The following GABBR2 variants were observed in gnomAD, a reference collection of about 807,000 sequenced individuals.
GABBR2 encodes the protein gamma-aminobutyric acid type B receptor subunit 2, also known as G-protein coupled receptor 51.
A neutral mutation model predicts 105.6 loss-of-function variants in GABBR2; 23 were observed. The observed-to-expected ratio is 0.22, with a 90% confidence interval of 0.16 to 0.31. GABBR2 has a LOEUF of 0.31. GABBR2 is among the 10% of genes least tolerant of loss of function. GABBR2 has a pLI of 1.00. For missense variants in GABBR2, 734 were observed against 1,245.5 expected, an observed-to-expected ratio of 0.59 and a Z score of 6.18; for synonymous variants, 478 against 499.7, an observed-to-expected ratio of 0.96 and a Z score of 0.58.
At chr9:98,705,592 G>A (rs904587061) in intron 1 of GABBR2, among the ~76,000 whole-genome samples, 3 of 152,144 alleles carry the variant, frequency 2.0e-5, no homozygotes, top group African/African-American at 7.2e-5. Flanking sequence ...AAATAATTAG[G>A]CAGTGTCCAC....
chr9:98,352,751 G>A (rs1831421639), intron 13 of GABBR2, among the ~76,000 whole-genome samples: 1 of 152,058 alleles, frequency 6.6e-6, no homozygotes, highest in African/African-American at 2.4e-5. Flanking sequence ...TTTGTCCTGG[G>A]GGTAGCCTTC....
chr9:98,305,809 A>G (rs752874561), intron 15 of GABBR2, among the ~76,000 whole-genome samples: 9 of 122,076 alleles, frequency 7.4e-5, no homozygotes, highest in South Asian at 2.2e-4. Context: ...AGAGTGAGGG[A>G]AAAAAAAAAA....
rs905812432 is a variant in GABBR2 at position 98,394,316 on chromosome 9, C to T, written c.1298-61G>A. 27 of 1,193,920 alleles carry T rather than the reference C, an allele frequency of 2.3e-5. No homozygotes were observed. In the African/African-American group the frequency reaches 3.9e-4, roughly 17 times the overall value. 74.0% of individuals were successfully genotyped at this position (1,193,920 alleles called of 1,614,324 possible). A position where few individuals can be genotyped will look rare whatever the true frequency, so the allele number is the denominator to read the frequency against. Reference sequence around the variant, plus strand: ...GGATCTGGGTTTGTGTCTGGGTGCTCCTATTCCAGGCTCTTGCTCCCCTCA... The same window carrying T: ...GGATCTGGGTTTGTGTCTGGGTGCTTCTATTCCAGGCTCTTGCTCCCCTCA... On this transcript the variant is annotated intron_variant, in intron 8 of 18. Transcript: ENST00000259455.
At chr9:98,533,147 T>TC (rs1279345084) in intron 3 of GABBR2, among the ~76,000 whole-genome samples, 2 of 152,054 alleles carry the variant, frequency 1.3e-5, no homozygotes, top group African/African-American at 4.8e-5. Flanking sequence ...TTTGCAACGA[T>TC]CCCCCCTTGC....
intron 1 of GABBR2, among the ~76,000 whole-genome samples, chr9:98,638,378 A>G (rs1044229639): frequency 2.0e-5 from 3 of 152,186 alleles, no homozygotes; most frequent in African/African-American, 7.2e-5. Context: ...AGATCCAAAG[A>G]GAATAACTAC....
At chr9:98,362,948 G>T in intron 12 of GABBR2, 111 bp from the exon 13 acceptor site, 1 of 920,812 alleles carries the variant, frequency 1.1e-6, no homozygotes, top group Non-Finnish European at 1.5e-6. Context: ...CCCAGCCGGA[G>T]AGTCTCCTGC....
intron 13 of GABBR2, among the ~76,000 whole-genome samples, chr9:98,334,930 A>G (rs1831087624): frequency 6.6e-6 from 1 of 152,186 alleles, no homozygotes; most frequent in South Asian, 2.1e-4. Flanking sequence ...CCGAGCCACC[A>G]TGAGTGCTGA....
At chr9:98,668,681 C>T (rs1164969271) in intron 1 of GABBR2, among the ~76,000 whole-genome samples, 1 of 152,128 alleles carries the variant, frequency 6.6e-6, no homozygotes, top group African/African-American at 2.4e-5. Context: ...CCCAATTCTC[C>T]CTCCTTCTCT....
chr9:98,653,105 C>G (rs1830132440), intron 1 of GABBR2, among the ~76,000 whole-genome samples: 1 of 152,206 alleles, frequency 6.6e-6, no homozygotes, highest in Non-Finnish European at 1.5e-5. Context: ...CAAGCAATCC[C>G]ACTGCCTCAG....
At chr9:98,684,169 TAAAAAAA>T (rs3032196) in intron 1 of GABBR2, among the ~76,000 whole-genome samples, 27 of 66,138 alleles carry the variant, frequency 4.1e-4, no homozygotes, top group Middle Eastern at 0.012. Flanking sequence ...TTTACCACGG[TAAAAAAA>T]AAAAAAAAAA....
chr9:98,597,312 G>A (rs1275479312), intron 1 of GABBR2, among the ~76,000 whole-genome samples: 2 of 152,106 alleles, frequency 1.3e-5, no homozygotes, highest in Non-Finnish European at 2.9e-5. Flanking sequence ...AACATGCCAG[G>A]GACAACATGC....
At chr9:98,330,727 T>A (rs2131390101) in intron 13 of GABBR2, among the ~76,000 whole-genome samples, 1 of 152,264 alleles carries the variant, frequency 6.6e-6, no homozygotes, top group Non-Finnish European at 1.5e-5. Flanking sequence ...TCTTTTCCTG[T>A]CTTTTTCTTT....
intron 11 of GABBR2, among the ~76,000 whole-genome samples, chr9:98,382,222 G>C (rs1260648152): frequency 1.3e-5 from 2 of 152,082 alleles, no homozygotes; most frequent in African/African-American, 4.8e-5. Context: ...ATGAGGGTAG[G>C]GTTTTGCTCC....
intron 13 of GABBR2, among the ~76,000 whole-genome samples, chr9:98,326,013 G>T (rs7024095): frequency 0.41 from 62,360 of 151,998 alleles, 13,684 homozygotes; most frequent in African/African-American, 0.56. Context: ...CATGACCTTT[G>T]AGGATATGCA....
At chr9:98,373,142 G>C (rs964040827) in intron 11 of GABBR2, among the ~76,000 whole-genome samples, 2 of 152,050 alleles carry the variant, frequency 1.3e-5, no homozygotes, top group African/African-American at 2.4e-5. Context: ...ATTTAGACCT[G>C]AGCATATTCA....
chr9:98,435,170 G>A (rs1302310769), intron 7 of GABBR2, among the ~76,000 whole-genome samples: 1 of 152,150 alleles, frequency 6.6e-6, no homozygotes, highest in Non-Finnish European at 1.5e-5. Context: ...TTTTCCTGTG[G>A]GATCAGGCCA....
Position 98,674,481 on chromosome 9 carries a change from G to C in GABBR2, c.321+33936C>G, listed in dbSNP as rs75075593. On this transcript the variant is annotated intron_variant, in intron 1 of 18. Transcript: ENST00000259455. The stretch of plus-strand genomic sequence containing the variant: ...CTGGTGGGCAGTGAGGGTTGAGAGT[G>C]GGGGAAGAGGCAGAAATAGGTAAGA... Among the ~76,000 whole-genome samples, 1,162 of 152,166 alleles carry C rather than the reference G, an allele frequency of 7.6e-3. 17 individuals are homozygous for C. Among genetic ancestry groups the C allele is most frequent in the African/African-American group, 0.026 (1,098 of 41,490 alleles).
At chr9:98,662,077 C>G (rs377086304) in intron 1 of GABBR2, among the ~76,000 whole-genome samples, 2 of 152,342 alleles carry the variant, frequency 1.3e-5, no homozygotes, top group South Asian at 4.1e-4. Flanking sequence ...CCTAACAGCA[C>G]TTGCCAAAGA....
intron 13 of GABBR2, among the ~76,000 whole-genome samples, chr9:98,347,313 C>T (rs1449250840): frequency 6.6e-6 from 1 of 152,126 alleles, no homozygotes; most frequent in African/African-American, 2.4e-5. Flanking sequence ...TTTTGATTTG[C>T]ATTTCCTTGA....
Sources: allele counts gnomAD v4.1 joint callset (sites outside exome capture counted in the v4.1 genomes callset), GRCh38; gene constraint gnomAD v4.1.1; transcripts MANE v1.5; gene names NCBI Gene and HGNC (gene_info 2026-07-23, HGNC 2026-07-21).